IL1RAPL2: variants seen among roughly 807,000 people sequenced by gnomAD.
IL1RAPL2 encodes the protein X-linked interleukin-1 receptor accessory protein-like 2.
IL1RAPL2 carries 3 observed loss-of-function variants against 44.1 expected under a neutral mutation model. The ratio of observed to expected loss-of-function variants is 0.07; its 90% confidence interval spans 0.03 to 0.18. The LOEUF (loss-of-function observed/expected upper bound fraction) is 0.18. IL1RAPL2 is among the 10% of genes least tolerant of loss of function. The pLI is 1.00. For missense variants in IL1RAPL2, 391 were observed against 496.4 expected (o/e 0.79, Z 2.02); for synonymous variants, 181 against 178.8 (o/e 1.01, Z -0.10).
At chrX:105,758,932 T>C (rs1380241125) in intron 10 of IL1RAPL2, among the ~76,000 whole-genome samples, 2 of 111,648 alleles carry the variant, frequency 1.8e-5, no homozygotes, top group Non-Finnish European at 3.8e-5. Flanking sequence ...CAGCTGCTGG[T>C]TTTTGTGGTA....
chrX:105,394,208 GA>G (rs2035546745), intron 5 of IL1RAPL2, among the ~76,000 whole-genome samples: 2 of 111,965 alleles, frequency 1.8e-5, no homozygotes, highest in South Asian at 7.4e-4. Flanking sequence ...GTAGCCATTA[GA>G]AAAAGATCTT....
At chrX:105,699,217 G>A (rs2038100762) in intron 6 of IL1RAPL2, among the ~76,000 whole-genome samples, 2 of 110,992 alleles carry the variant, frequency 1.8e-5, no homozygotes, top group African/African-American at 6.6e-5. Context: ...CCCTTGACTT[G>A]TATAAACTTT....
At chrX:104,679,053 ACTTAC>A (rs1157335819) in intron 2 of IL1RAPL2, among the ~76,000 whole-genome samples, 4 of 111,957 alleles carry the variant, frequency 3.6e-5, no homozygotes, top group African/African-American at 1.3e-4. Context: ...AACTAAAGAA[ACTTAC>A]CTTACATCCT....
At chrX:104,922,021 G>A (rs912816246) in intron 2 of IL1RAPL2, among the ~76,000 whole-genome samples, 2 of 112,207 alleles carry the variant, frequency 1.8e-5, no homozygotes, top group African/African-American at 3.2e-5. Flanking sequence ...CCAGTAGCCC[G>A]AGAGCAGCCC....
chrX:105,045,504 C>G (rs1016430764), intron 2 of IL1RAPL2, among the ~76,000 whole-genome samples: 2 of 111,813 alleles, frequency 1.8e-5, no homozygotes, highest in Non-Finnish European at 3.8e-5. Flanking sequence ...GAGCAGGGGA[C>G]TGCTCTTTGC....
chrX:105,764,565 C>T (rs2038714209), intron 10 of IL1RAPL2, among the ~76,000 whole-genome samples: 1 of 111,810 alleles, frequency 8.9e-6, no homozygotes, highest in African/African-American at 3.3e-5. Context: ...GCATTTGAGG[C>T]TGAGGACAGA....
chrX:104,751,743 A>G (rs955242572), intron 2 of IL1RAPL2, among the ~76,000 whole-genome samples: 1 of 111,411 alleles, frequency 9.0e-6, no homozygotes, highest in Non-Finnish European at 1.9e-5. Context: ...ATATGAATGC[A>G]TACTTATTTT....
At chrX:105,417,417 G>A (rs1473266024) in intron 5 of IL1RAPL2, among the ~76,000 whole-genome samples, 1 of 112,696 alleles carries the variant, frequency 8.9e-6, no homozygotes, top group Non-Finnish European at 1.9e-5. Context: ...AGGTTGCAGC[G>A]AGCCAAGATC....
chrX:105,061,963 T>C (rs1330711113), intron 2 of IL1RAPL2, among the ~76,000 whole-genome samples: 2 of 112,044 alleles, frequency 1.8e-5, no homozygotes, highest in Non-Finnish European at 3.8e-5. Context: ...TTGTGTCTTG[T>C]TTTTTAATTC....
intron 2 of IL1RAPL2, among the ~76,000 whole-genome samples, chrX:104,844,658 A>G (rs1301773513): frequency 1.8e-5 from 2 of 112,271 alleles, no homozygotes; most frequent in African/African-American, 6.5e-5. Context: ...TAATGTTTTA[A>G]GAGAGTTTAT....
intron 1 of IL1RAPL2, among the ~76,000 whole-genome samples, chrX:104,579,688 G>A (rs1471874769): frequency 9.0e-6 from 1 of 110,984 alleles, no homozygotes; most frequent in African/African-American, 3.3e-5. Flanking sequence ...ATCTGTATAC[G>A]AAACCCCTGT....
At chrX:105,442,024 A>G (rs1377904747) in intron 5 of IL1RAPL2, among the ~76,000 whole-genome samples, 9 of 110,262 alleles carry the variant, frequency 8.2e-5, no homozygotes, top group African/African-American at 2.0e-4. Flanking sequence ...GCTCATTATT[A>G]TGAATTGGGT....
chrX:105,729,541 G>GGTT (rs2038382570), intron 7 of IL1RAPL2, among the ~76,000 whole-genome samples: 1 of 110,713 alleles, frequency 9.0e-6, no homozygotes, highest in Admixed American at 9.7e-5. Context: ...TTTTAAATTA[G>GGTT]GTTGTTAGTT....
At chrX:105,243,370 A>G (rs1556210528) in intron 4 of IL1RAPL2, among the ~76,000 whole-genome samples, 1 of 109,027 alleles carries the variant, frequency 9.2e-6, no homozygotes, top group Non-Finnish European at 1.9e-5. Flanking sequence ...CGTGATTATA[A>G]GTTTCCTGGG....
intron 2 of IL1RAPL2, among the ~76,000 whole-genome samples, chrX:105,028,781 C>G (rs1483736195): frequency 9.0e-6 from 1 of 110,523 alleles, no homozygotes; most frequent in Non-Finnish European, 1.9e-5. Flanking sequence ...TGCTGGATTA[C>G]CTGCAATTAC....
At chrX:105,670,111 A>ATATATATATATATATATC (rs2037806228) in intron 6 of IL1RAPL2, among the ~76,000 whole-genome samples, 1 of 30,676 alleles carries the variant, frequency 3.3e-5, no homozygotes, top group Non-Finnish European at 6.0e-5. Flanking sequence ...TCCTGTATAT[A>ATATATATATATATATATC]TATATATATA....
At chrX:105,399,637 C>T (rs2035592012) in intron 5 of IL1RAPL2, among the ~76,000 whole-genome samples, 1 of 111,241 alleles carries the variant, frequency 9.0e-6, no homozygotes, top group South Asian at 3.7e-4. Flanking sequence ...GTATGATGCT[C>T]CAATATAGGC....
At chrX:104,818,731 C>A (rs1184008417) in intron 2 of IL1RAPL2, among the ~76,000 whole-genome samples, 1 of 110,376 alleles carries the variant, frequency 9.1e-6, no homozygotes, top group African/African-American at 3.3e-5. Flanking sequence ...TGAATGGTGG[C>A]CTGGATGAGT....
intron 2 of IL1RAPL2, among the ~76,000 whole-genome samples, chrX:104,840,082 T>C (rs1356608496): frequency 8.9e-6 from 1 of 111,881 alleles, no homozygotes; most frequent in East Asian, 2.8e-4. Flanking sequence ...GCTCTAATGT[T>C]AGTTATTTTT....
Sources: gnomAD v4.1 joint callset for allele counts (sites outside exome capture counted in the v4.1 genomes callset) on GRCh38, gnomAD v4.1.1 for gene constraint, MANE v1.5 for transcripts, NCBI Gene and HGNC (gene_info 2026-07-23, HGNC 2026-07-21) for gene names.